Variants in PTCHD4 observed in about 807,000 individuals in gnomAD.
PTCHD4 encodes patched domain containing 4, also known as patched domain-containing protein 4.
A neutral mutation model predicts 58.1 loss-of-function variants in PTCHD4; 33 were observed. The observed-to-expected ratio is 0.57, with a 90% CI of 0.43 to 0.76. The LOEUF (loss-of-function observed/expected upper bound fraction) is 0.76, where lower values mean the gene tolerates loss of function less well. PTCHD4 is among the 30% of genes least tolerant of loss of function. The pLI is 0.00. For missense variants in PTCHD4, 1,058 were observed against 1,027.1 expected (o/e 1.03, Z -0.41); for synonymous variants, 478 against 409.6 (o/e 1.17, Z -2.02).
At chr6:48,050,621 T>C (rs1764198749) in intron 3 of PTCHD4, among the ~76,000 whole-genome samples, 1 of 152,044 alleles carries the variant, frequency 6.6e-6, no homozygotes, top group South Asian at 2.1e-4. Flanking sequence ...AATAAATTCA[T>C]GCACATTATT....
At chr6:48,092,022 C>A (rs1765376311) in intron 1 of PTCHD4, among the ~76,000 whole-genome samples, 1 of 151,092 alleles carries the variant, frequency 6.6e-6, no homozygotes, top group African/African-American at 2.4e-5. Flanking sequence ...CACACACATA[C>A]ACACACACAA....
intron 1 of PTCHD4, among the ~76,000 whole-genome samples, chr6:48,080,133 A>G (rs901321236): frequency 6.6e-6 from 1 of 152,120 alleles, no homozygotes; most frequent in Non-Finnish European, 1.5e-5. Context: ...CAGAAAATAT[A>G]AGTGAAATGA....
intron 4 of PTCHD4, among the ~76,000 whole-genome samples, chr6:47,891,842 G>A (rs1764390836): frequency 6.6e-6 from 1 of 151,866 alleles, no homozygotes; most frequent in Admixed American, 6.6e-5. Flanking sequence ...GAGGATGCTG[G>A]TATTTTATAA....
At chr6:48,044,637 C>T (rs1355755728) in intron 3 of PTCHD4, among the ~76,000 whole-genome samples, 1 of 151,850 alleles carries the variant, frequency 6.6e-6, no homozygotes, top group African/African-American at 2.4e-5. Context: ...GGCACACAGC[C>T]ATGCTCATTT....
In PTCHD4 at chr6:47,957,573, GTT is replaced by G. The variant is rs56719732; in HGVS notation, c.898+51059_898+51060del. Among the ~76,000 whole-genome samples, 852 of 146,912 alleles carry G rather than the reference GTT, an allele frequency of 5.8e-3. 6 individuals carry two copies. The highest frequency in any genetic ancestry group is 0.017 in the African/African-American group (692 of 40,154). On this transcript the variant is annotated intron_variant, in intron 4 of 4. Coordinates refer to ENST00000339488, the MANE Select transcript of PTCHD4 (RefSeq NM_001384253.1). The stretch of plus-strand genomic sequence containing the variant: ...TTTCTACTATTCAAATACAAGACAA[GTT>G]TTTTTTTTTATTTTTTTTATTTTTA...
At chr6:47,953,980 C>T (rs1318228951) in intron 4 of PTCHD4, among the ~76,000 whole-genome samples, 2 of 152,060 alleles carry the variant, frequency 1.3e-5, no homozygotes, top group African/African-American at 4.8e-5. Flanking sequence ...TAAACATGTC[C>T]TATTTTGACA....
intron 1 of PTCHD4, among the ~76,000 whole-genome samples, chr6:48,096,454 A>G (rs545974446): frequency 3.4e-4 from 51 of 152,086 alleles, no homozygotes; most frequent in African/African-American, 1.0e-3. Flanking sequence ...TTTACTAAAA[A>G]TACAAAAATT....
Position 47,879,061 on chromosome 6 carries a change from A to G in PTCHD4, c.1774T>C (p.Ser592Pro). The G allele has an allele frequency of 6.2e-7, 1 of 1,613,468 alleles. No homozygotes were observed. The highest frequency in any genetic ancestry group is 8.5e-7 in the Non-Finnish European group (1 of 1,179,738). Residue 592 changes from serine (S) to proline (P), a missense_variant, in exon 5 of 5, where the codon TCC (serine) becomes CCC (proline). Coordinates refer to ENST00000339488, the MANE Select transcript of PTCHD4 (RefSeq NM_001384253.1). ...FQHFRNDIIF[S>P]KAGDESNIIA... ...ATATTGCTTTCATCCCCTGCCTTGGAGAAGATGATATCATTTCGAAAATGC... is the reference window on the plus strand; with the variant it reads ...ATATTGCTTTCATCCCCTGCCTTGGGGAAGATGATATCATTTCGAAAATGC...
At chr6:48,107,300 A>G (rs561168849) in intron 1 of PTCHD4, among the ~76,000 whole-genome samples, 56 of 152,306 alleles carry the variant, frequency 3.7e-4, no homozygotes, top group Middle Eastern at 3.4e-3. Context: ...AATGCTGCAT[A>G]TCTACAACTA....
intron 4 of PTCHD4, among the ~76,000 whole-genome samples, chr6:47,992,495 G>C (rs1181537344): frequency 6.6e-6 from 1 of 152,108 alleles, no homozygotes; most frequent in Non-Finnish European, 1.5e-5. Context: ...TTCTTCCTTT[G>C]AGCAGTCTTC....
intron 4 of PTCHD4, among the ~76,000 whole-genome samples, chr6:47,910,862 C>A (rs1765046591): frequency 6.6e-6 from 1 of 152,144 alleles, no homozygotes; most frequent in South Asian, 2.1e-4. Context: ...TCTACCCCTT[C>A]TCCTCACGTA....
intron 4 of PTCHD4, among the ~76,000 whole-genome samples, chr6:47,978,031 C>T (rs1301573317): frequency 2.6e-5 from 4 of 152,120 alleles, no homozygotes; most frequent in Non-Finnish European, 4.4e-5. Context: ...AAGTAATGAA[C>T]TTATTGATAG....
At chr6:47,992,660 A>G (rs1482508980) in intron 4 of PTCHD4, among the ~76,000 whole-genome samples, 7 of 152,148 alleles carry the variant, frequency 4.6e-5, no homozygotes, top group African/African-American at 1.7e-4. Context: ...ATATCTCTGT[A>G]TATATATATT....
At chr6:48,004,136 A>T (rs1266775988) in intron 4 of PTCHD4, among the ~76,000 whole-genome samples, 1 of 152,152 alleles carries the variant, frequency 6.6e-6, no homozygotes, top group Non-Finnish European at 1.5e-5. Context: ...AATGCCTTTT[A>T]CTTCAGAACC....
chr6:48,026,015 C>T (rs538552129), intron 3 of PTCHD4, among the ~76,000 whole-genome samples: 7 of 152,148 alleles, frequency 4.6e-5, no homozygotes, highest in African/African-American at 9.7e-5. Context: ...CCAGAACAGA[C>T]AATAAGTATG....
At chr6:47,957,072 T>G (rs1274019772) in intron 4 of PTCHD4, among the ~76,000 whole-genome samples, 1 of 151,054 alleles carries the variant, frequency 6.6e-6, no homozygotes, top group Non-Finnish European at 1.5e-5. Flanking sequence ...GGCTGAGGCA[T>G]GAGAATCACT....
At chr6:48,072,686 T>A (rs1353895919) in intron 1 of PTCHD4, among the ~76,000 whole-genome samples, 1 of 152,196 alleles carries the variant, frequency 6.6e-6, no homozygotes, top group Non-Finnish European at 1.5e-5. Flanking sequence ...TCTGTGTGTG[T>A]GTGTTGTGTA....
chr6:47,898,035 C>G (rs1002564181), intron 4 of PTCHD4, among the ~76,000 whole-genome samples: 1 of 136,120 alleles, frequency 7.3e-6, no homozygotes. Flanking sequence ...CCCTCTGCCT[C>G]TTGGGTTCAA....
intron 4 of PTCHD4, chr6:47,901,523 G>A: frequency 2.0e-6 from 2 of 989,134 alleles, no homozygotes; most frequent in Non-Finnish European, 2.4e-6. Flanking sequence ...CTATATGATT[G>A]GAATCAATTT....
Sources: gnomAD v4.1 joint callset for allele counts (sites outside exome capture counted in the v4.1 genomes callset) on GRCh38, gnomAD v4.1.1 for gene constraint, MANE v1.5 for transcripts, NCBI Gene and HGNC (gene_info 2026-07-23, HGNC 2026-07-21) for gene names.